The following TAL1 variants were observed in gnomAD, a reference collection of about 807,000 sequenced individuals.
TAL1 encodes the protein TAL bHLH transcription factor 1, erythroid differentiation factor.
TAL1 carries 8 observed loss-of-function variants against 17.9 expected under a neutral mutation model. The observed-to-expected ratio is 0.45, with a 90% CI of 0.26 to 0.81. The LOEUF (loss-of-function observed/expected upper bound fraction) is 0.81, where lower values mean the gene tolerates loss of function less well. Ranked by LOEUF, TAL1 falls within the 30% of genes least tolerant of loss-of-function variation. The pLI, the probability that TAL1 is intolerant of heterozygous loss-of-function variation, is 0.17. For synonymous variants in TAL1, 223 were observed against 218.6 expected (o/e 1.02, Z -0.18); for missense variants, 466 against 486.9 (o/e 0.96, Z 0.40).
chr1:47,232,277 G>A (rs1569944001), upstream of TAL1: 1 of 88,406 alleles, frequency 1.1e-5, no homozygotes, highest in Admixed American at 1.2e-4. Context: ...GCGCCCGCCC[G>A]GCCCCTCCAC....
At chr1:47,224,147 G>A (rs758325793) in intron 2 of TAL1, 49 bp from the exon 4 acceptor site, 1 of 1,580,128 alleles carries the variant, frequency 6.3e-7, no homozygotes, top group Non-Finnish European at 8.7e-7. Flanking sequence ...GAGGGGAGGG[G>A]AGAAAGAGCT....
exon 4 of TAL1, chr1:47,218,432 G>A (rs1353608168): frequency 8.6e-6 from 2 of 232,712 alleles, no homozygotes; most frequent in South Asian, 1.8e-4. Context: ...ATAAGGATGT[G>A]ATTTACAAAA....
At chr1:47,224,969 C>G (rs572054907) in intron 2 of TAL1, among the ~76,000 whole-genome samples, 1 of 152,336 alleles carries the variant, frequency 6.6e-6, no homozygotes, top group East Asian at 1.9e-4. Context: ...TCTGCCACCA[C>G]CCTCAGATCC....
chr1:47,218,789 G>C lies in TAL1; in HGVS notation c.*931C>G, dbSNP rs999062800. The C allele has an allele frequency of 1.3e-5, 3 of 233,580 alleles. No individual in the cohort carries two copies. In the Admixed American group the frequency reaches 1.7e-4, roughly 13 times the overall value. The allele number at this position is 233,580 out of a possible 1,614,324, so 14.5% of individuals were successfully genotyped here. On this transcript the variant is annotated 3_prime_UTR_variant, in exon 4 of 4. Coordinates refer to ENST00000294339, the Ensembl canonical transcript of TAL1. ...TCTTACAGCAAAGAAATCCCTCTAA[G>C]CATCCAGGAGAATGCACAGATGGGG... is the stretch of plus-strand genomic sequence containing the variant.
At chr1:47,216,536 G>A (rs1645498314) in exon 4 of TAL1, 1 of 231,156 alleles carries the variant, frequency 4.3e-6, no homozygotes, top group African/African-American at 2.2e-5. Context: ...CAGAAACAAT[G>A]CACTATGTAC....
At chr1:47,222,676 A>G (rs1401031723) in intron 3 of TAL1, among the ~76,000 whole-genome samples, 1 of 151,956 alleles carries the variant, frequency 6.6e-6, no homozygotes, top group East Asian at 1.9e-4. Context: ...TATTCCAGAG[A>G]ACCACCCCCT....
At chr1:47,230,935 C>G (rs1025927353), upstream of TAL1, 3 of 152,236 alleles carry the variant, frequency 2.0e-5, no homozygotes, top group African/African-American at 7.2e-5. Context: ...GAAAATCTTC[C>G]CAGGAGGTGA....
exon 4 of TAL1, chr1:47,217,362 G>A (rs1256833384): frequency 2.5e-6 from 1 of 395,768 alleles, no homozygotes; most frequent in East Asian, 3.6e-5. Flanking sequence ...ACTCCAGCCT[G>A]AGTGACAGAA....
chr1:47,228,441 T>C (rs1220786739), intron 1 of TAL1: 2 of 195,380 alleles, frequency 1.0e-5, no homozygotes, highest in East Asian at 1.6e-4. Flanking sequence ...AGCTCCTCTC[T>C]CTTTGTACTA....
At chr1:47,216,411 C>A (rs1000285429) in exon 4 of TAL1, 2 of 228,030 alleles carry the variant, frequency 8.8e-6, no homozygotes, top group African/African-American at 4.4e-5. Context: ...GGCCTCTGGG[C>A]TGTACAAAGG....
At chr1:47,220,795 G>C (rs1421178201) in intron 3 of TAL1, among the ~76,000 whole-genome samples, 1 of 152,194 alleles carries the variant, frequency 6.6e-6, no homozygotes, top group Non-Finnish European at 1.5e-5. Context: ...ACTGTGCTAG[G>C]CACTGAGGAA....
intron 1 of TAL1, among the ~76,000 whole-genome samples, chr1:47,226,427 G>A (rs1446002748): frequency 6.6e-6 from 1 of 152,150 alleles, no homozygotes; most frequent in African/African-American, 2.4e-5. Context: ...CCAGAAACCC[G>A]GTGCGGATGG....
At chr1:47,230,194 G>A (rs1032624514), upstream of TAL1, 5 of 151,708 alleles carry the variant, frequency 3.3e-5, no homozygotes, top group African/African-American at 1.2e-4. Context: ...CTAATGATTT[G>A]TTACAGCAAT....
At chr1:47,229,254 G>C in exon 1 of TAL1, 1 of 206,364 alleles carries the variant, frequency 4.8e-6, no homozygotes, top group East Asian at 7.3e-5. Flanking sequence ...CGCCGGAAAG[G>C]GGCGGAAGCC....
chr1:47,220,158 A>G (rs773447896), exon 4 of TAL1: 1 of 1,569,692 alleles, frequency 6.4e-7, no homozygotes, highest in Non-Finnish European at 8.7e-7. Flanking sequence ...TACGCCGCAC[A>G]ACTTTGGTGT....
chr1:47,231,950 GAAGA>G (rs1169263909), upstream of TAL1, among the ~76,000 whole-genome samples: 5 of 152,318 alleles, frequency 3.3e-5, no homozygotes, highest in East Asian at 9.7e-4. Flanking sequence ...GGGAAGGAAG[GAAGA>G]GAGTCTCCGA....
exon 2 of TAL1, chr1:47,225,582 G>T (rs1329628058): frequency 2.3e-6 from 3 of 1,285,364 alleles, no homozygotes; most frequent in Non-Finnish European, 2.0e-6. Context: ...GCGGGCGCGG[G>T]GGCCGGGGCG....
At chr1:47,223,970 G>C (rs778864440) in intron 3 of TAL1, 34 bp downstream of exon 4, 1 of 1,587,876 alleles carries the variant, frequency 6.3e-7, no homozygotes, top group East Asian at 2.2e-5. Flanking sequence ...CCAGCGTGAG[G>C]GGCAGGTACA....
intron 2 of TAL1, 25 bp downstream of exon 3, chr1:47,225,418 T>C (rs2273834): frequency 0.08 from 96,568 of 1,209,748 alleles, 5,318 homozygotes; most frequent in East Asian, 0.31. Flanking sequence ...GCCCAGCCCC[T>C]GGCCCCTGGC....
Sources: allele counts gnomAD v4.1 joint callset (sites outside exome capture counted in the v4.1 genomes callset), GRCh38; gene constraint gnomAD v4.1.1; transcripts MANE v1.5; gene names NCBI Gene and HGNC (gene_info 2026-07-23, HGNC 2026-07-21).